The following RBPMS variants were observed in gnomAD, a reference collection of about 807,000 sequenced individuals.
RBPMS encodes the protein RNA-binding protein with multiple splicing.
In RBPMS, 7 loss-of-function variants were observed where a neutral mutation model predicts 26.8. The observed-to-expected ratio is 0.26, with a 90% CI of 0.15 to 0.49. The LOEUF is 0.49. RBPMS is among the 20% of genes least tolerant of loss of function. The pLI is 0.98. For missense variants in RBPMS, 186 were observed against 250.0 expected (o/e 0.74, Z 1.73); for synonymous variants, 96 against 93.3 (o/e 1.03, Z -0.17).
chr8:30,519,950 G>T (rs1822854395), intron 5 of RBPMS, among the ~76,000 whole-genome samples: 1 of 152,108 alleles, frequency 6.6e-6, no homozygotes, highest in Admixed American at 6.6e-5. Flanking sequence ...GATGAGATTT[G>T]CAAGGTTTGG....
chr8:30,455,076 G>A (rs1341984934), intron 1 of RBPMS, among the ~76,000 whole-genome samples: 2 of 152,214 alleles, frequency 1.3e-5, no homozygotes, highest in African/African-American at 4.8e-5. Flanking sequence ...GCCTGCCTTG[G>A]CCTCCCAAAG....
chr8:30,435,257 C>T (rs976384187), intron 1 of RBPMS, among the ~76,000 whole-genome samples: 40 of 152,058 alleles, frequency 2.6e-4, no homozygotes, highest in Admixed American at 8.5e-4. Flanking sequence ...ATATGTGTAA[C>T]GTATGTGAAT....
At chr8:30,456,118 G>A (rs1323055134) in intron 1 of RBPMS, among the ~76,000 whole-genome samples, 1 of 152,030 alleles carries the variant, frequency 6.6e-6, no homozygotes, top group African/African-American at 2.4e-5. Context: ...GTTTTTTAAT[G>A]CATTTCAAAA....
Position 30,476,379 on chromosome 8 carries a change from GA to G in RBPMS, c.145-1417del, listed in dbSNP as rs1434609534. Among the ~76,000 whole-genome samples the G allele has an allele frequency of 1.1e-4, 16 of 152,274 alleles. No individual in the cohort carries two copies. The East Asian group carries it at 2.9e-3, about 28-fold the overall frequency. On this transcript the variant is annotated intron_variant, in intron 2 of 8. Transcript: ENST00000397323. The stretch of plus-strand genomic sequence containing the variant: ...CCTACCAGTGGTGTTTTACTTGAGT[GA>G]AATATCCAGTTGTCCTTTGCCTTCA...
At chr8:30,387,600 C>T (rs1807262718) in intron 1 of RBPMS, among the ~76,000 whole-genome samples, 2 of 152,112 alleles carry the variant, frequency 1.3e-5, no homozygotes, top group African/African-American at 4.8e-5. Context: ...TAGATATATA[C>T]ACGTAATGAC....
chr8:30,498,967 G>A (rs1820271048), intron 4 of RBPMS, among the ~76,000 whole-genome samples: 1 of 152,164 alleles, frequency 6.6e-6, no homozygotes, highest in Non-Finnish European at 1.5e-5. Context: ...GCATGTATGT[G>A]TACACAACTG....
chr8:30,533,992 G>T (rs1422776563), intron 5 of RBPMS, among the ~76,000 whole-genome samples: 1 of 152,040 alleles, frequency 6.6e-6, no homozygotes, highest in Non-Finnish European at 1.5e-5. Flanking sequence ...AAATTAGCTG[G>T]GTGTGGTGGT....
At chr8:30,443,363 T>C (rs2915602) in intron 1 of RBPMS, among the ~76,000 whole-genome samples, 51,074 of 152,006 alleles carry the variant, frequency 0.34, 9,254 homozygotes, top group African/African-American at 0.46. Context: ...AAACAAAAGG[T>C]TGCGTAGTAT....
At chr8:30,441,286 T>G (rs1042179924) in intron 1 of RBPMS, among the ~76,000 whole-genome samples, 2 of 152,218 alleles carry the variant, frequency 1.3e-5, no homozygotes, top group Admixed American at 6.5e-5. Flanking sequence ...TTTTGGGGTT[T>G]TTAAACTTAC....
intron 1 of RBPMS, among the ~76,000 whole-genome samples, chr8:30,467,598 C>T (rs889694663): frequency 1.5e-4 from 23 of 152,298 alleles, no homozygotes; most frequent in Non-Finnish European, 2.4e-4. Context: ...CAGGATGTTT[C>T]TGCTCCTGGG....
intron 5 of RBPMS, chr8:30,537,494 G>T (rs552290000): frequency 3.7e-4 from 166 of 452,528 alleles, no homozygotes; most frequent in South Asian, 1.7e-3. Context: ...CTGAGAACCC[G>T]CATTTGGGTA....
intron 1 of RBPMS, among the ~76,000 whole-genome samples, chr8:30,446,617 C>T (rs1160554366): frequency 6.6e-6 from 1 of 151,998 alleles, no homozygotes. Flanking sequence ...TGTAAAAGCC[C>T]GAAAAGTGGT....
intron 5 of RBPMS, among the ~76,000 whole-genome samples, chr8:30,521,440 A>T (rs1414224736): frequency 6.6e-6 from 1 of 152,166 alleles, no homozygotes; most frequent in Non-Finnish European, 1.5e-5. Context: ...AATTTAGTTG[A>T]CTTTTTCGTT....
At chr8:30,436,847 T>C (rs2150689839) in intron 1 of RBPMS, among the ~76,000 whole-genome samples, 2 of 152,252 alleles carry the variant, frequency 1.3e-5, no homozygotes, top group Admixed American at 1.3e-4. Flanking sequence ...TAAGGGCACG[T>C]AATAAATATT....
At chr8:30,467,186 G>T (rs1361197049) in intron 1 of RBPMS, among the ~76,000 whole-genome samples, 2 of 152,186 alleles carry the variant, frequency 1.3e-5, no homozygotes, top group Non-Finnish European at 2.9e-5. Context: ...TGGTGGCAAG[G>T]CCTGAATGGG....
Position 30,563,358 on chromosome 8 carries a change from A to C in RBPMS, c.*8-2899A>C, listed in dbSNP as rs145450959. Among the ~76,000 whole-genome samples the C allele has an allele frequency of 5.4e-4, 82 of 152,320 alleles. 2 individuals are homozygous for C. Among genetic ancestry groups the C allele is most frequent in the African/African-American group, 1.9e-3 (81 of 41,550 alleles). Reference sequence around the variant, plus strand: ...CACGATTGAAAATTGTCAGTTTCCCAGATACACTGAGAACAGGCGAGCATG... The same window carrying C: ...CACGATTGAAAATTGTCAGTTTCCCCGATACACTGAGAACAGGCGAGCATG... On this transcript the variant is annotated intron_variant, in intron 7 of 8. Transcript: ENST00000397323.
At chr8:30,510,152 G>A (rs1455310326) in intron 5 of RBPMS, among the ~76,000 whole-genome samples, 2 of 152,150 alleles carry the variant, frequency 1.3e-5, no homozygotes, top group Non-Finnish European at 2.9e-5. Flanking sequence ...AGAGCACTGT[G>A]TATTCATATG....
At chr8:30,472,354 A>G (rs1817214090) in intron 1 of RBPMS, among the ~76,000 whole-genome samples, 1 of 152,216 alleles carries the variant, frequency 6.6e-6, no homozygotes, top group Admixed American at 6.5e-5. Flanking sequence ...AGTGTTTGAG[A>G]CATATATACT....
chr8:30,492,404 G>C (rs572845932), intron 4 of RBPMS, among the ~76,000 whole-genome samples: 4 of 152,128 alleles, frequency 2.6e-5, no homozygotes, highest in African/African-American at 7.2e-5. Context: ...TGTATAATTA[G>C]TCCTTTCTTT....
Sources: gnomAD v4.1 joint callset for allele counts (sites outside exome capture counted in the v4.1 genomes callset) on GRCh38, gnomAD v4.1.1 for gene constraint, MANE v1.5 for transcripts, NCBI Gene and HGNC (gene_info 2026-07-23, HGNC 2026-07-21) for gene names.